Variants in SLITRK2 observed in about 807,000 individuals in gnomAD.
SLITRK2 encodes SLIT and NTRK like family member 2, also known as SLIT and NTRK-like protein 2.
SLITRK2 carries 13 observed loss-of-function variants against 35.4 expected under a neutral mutation model. That is an observed-to-expected ratio of 0.37 (90% CI 0.24 to 0.58). SLITRK2 has a LOEUF of 0.58. Among genes scored for constraint, SLITRK2 ranks in the 20% least tolerant of loss-of-function variants. SLITRK2 has a pLI of 0.75. For missense variants in SLITRK2, 471 were observed against 634.3 expected, an observed-to-expected ratio of 0.74 and a Z score of 2.76; for synonymous variants, 294 against 264.7, an observed-to-expected ratio of 1.11 and a Z score of -1.07.
Position 145,824,079 on chromosome X carries a change from A to G in SLITRK2, c.1654A>G (p.Ile552Val). ...DWTEHANSPV[I>V]INEVTCESPA... ...GACAGAACATGCCAATTCCCCTGTC[A>G]TCATTAATGAGGTGACTTGCGAATC... Residue 552 changes from isoleucine (I) to valine (V), a missense_variant, in exon 5 of 5, where the codon ATC becomes GTC. Around this residue, in one of 7 missense-constraint regions of SLITRK2, gnomAD observed 92 missense variants for 184.2 expected, o/e 0.50. Transcript: ENST00000335565. 8.3e-7 allele frequency: 1 copy of G among 1,211,128 alleles called. No homozygotes were observed. The highest frequency in any genetic ancestry group is 1.8e-5 in the South Asian group (1 of 56,804).
chrX:145,822,180 C>T, intron 4 of SLITRK2, 27 bp downstream of exon 4: 5 of 363,585 alleles, frequency 1.4e-5, no homozygotes, highest in Non-Finnish European at 2.4e-5. Context: ...TCCCGGGGCG[C>T]GTGTGTGGGT....
Position 145,825,137 on chromosome X carries a change from T to C in SLITRK2, c.*174T>C, listed in dbSNP as rs2073103190. 2 of 430,034 alleles carry C rather than the reference T, an allele frequency of 4.7e-6. No homozygotes were observed. The highest frequency in any genetic ancestry group is 1.7e-4 in the South Asian group (2 of 11,878). The allele number at this position is 430,034 out of a possible 1,213,427, so 35.4% of individuals were successfully genotyped here. On this transcript the variant is annotated 3_prime_UTR_variant, in exon 5 of 5. Transcript: ENST00000335565. ...TGATTTTGCTTTTGCAAGTTTTCCT[T>C]TAAATTATTTCTCTCTCGCTCTCCT...
Position 145,824,189 on chromosome X carries a change from C to T in SLITRK2, c.1764C>T (p.Thr588=), listed in dbSNP as rs782667731. The change falls in exon 5 of 5, where the codon ACC becomes ACT. Residue 588 remains threonine (T), a synonymous_variant. Transcript: ENST00000335565. Reference sequence around the variant, plus strand: ...ACAGCCCAAACTTGTCAGATGGAACCGTCTTGTCAATGAATCACAATACAG... The same window carrying T: ...ACAGCCCAAACTTGTCAGATGGAACTGTCTTGTCAATGAATCACAATACAG... ...CPDSPNLSDG[T]VLSMNHNTDT... 11 of 1,207,624 alleles carry T rather than the reference C, an allele frequency of 9.1e-6. No individual in the cohort carries two copies. The highest frequency in any genetic ancestry group is 5.3e-5 in the African/African-American group (3 of 56,923).
At position 145,828,277 on chromosome X, in the gene SLITRK2, T is replaced by C. The variant is rs782506142; in HGVS notation, c.*3314T>C. ...CTGTGACTTAATTTTTCTTAATGTC[T>C]CCAAGTCATCAAGGGCTTAATAATT... On this transcript the variant is annotated 3_prime_UTR_variant, in exon 5 of 5. Coordinates refer to ENST00000335565, the MANE Select transcript of SLITRK2 (RefSeq NM_032539.5). 3 of 280,243 alleles carry C rather than the reference T, an allele frequency of 1.1e-5. No individual in the cohort carries two copies. The South Asian group carries it at 6.2e-4, about 58-fold the overall frequency. 23.1% of individuals were successfully genotyped at this position (280,243 alleles called of 1,213,427 possible). A position where few individuals can be genotyped will look rare whatever the true frequency, so the allele number is the denominator to read the frequency against.
At position 145,821,655 on chromosome X, in the gene SLITRK2, C is replaced by T. The variant is rs1248460844; in HGVS notation, c.-422C>T. The T allele has an allele frequency of 8.9e-6, 1 of 111,744 alleles. No homozygotes were observed. Among genetic ancestry groups the T allele is most frequent in the East Asian group, 2.8e-4 (1 of 3,512 alleles). The allele number at this position is 111,744 out of a possible 1,213,427, so 9.2% of individuals were successfully genotyped here. A position where few individuals can be genotyped will look rare whatever the true frequency, so the allele number is the denominator to read the frequency against. ...CCGACCTCCCTACAGAATCGCACCC[C>T]AGTCCCTCCCTGGCAGCTCGGCTTC... On this transcript the variant is annotated 5_prime_UTR_variant, in exon 3 of 5. Transcript: ENST00000335565.
chrX:145,828,593 C>G lies in SLITRK2; in HGVS notation c.*3630C>G, dbSNP rs1301885088. ...ACACCCTCTTCACCCTCCACGCCAC[C>G]CCCTACTACTCACTCTCACCCTAGC... is the stretch of plus-strand genomic sequence containing the variant. On this transcript the variant is annotated 3_prime_UTR_variant, in exon 5 of 5. Transcript: ENST00000335565. The G allele has an allele frequency of 8.2e-6, 1 of 122,511 alleles. No individual in the cohort carries two copies. Among genetic ancestry groups the G allele is most frequent in the African/African-American group, 3.3e-5 (1 of 30,512 alleles). The allele number at this position is 122,511 out of a possible 1,213,427, so 10.1% of individuals were successfully genotyped here.
At chrX:145,819,958 G>A (rs1329449429) in intron 1 of SLITRK2, 1 of 111,919 alleles carries the variant, frequency 8.9e-6, no homozygotes, top group South Asian at 3.8e-4. Context: ...TAGTGCCTAA[G>A]TTTATAAACT....
chrX:145,827,932 C>A lies in SLITRK2; in HGVS notation c.*2969C>A. ...GCTTTAAGACGTATGAGCATCAGCACAGCAAAATGGTTCCAGCCTACAGAA... is the reference window on the plus strand; with the variant it reads ...GCTTTAAGACGTATGAGCATCAGCAAAGCAAAATGGTTCCAGCCTACAGAA... On this transcript the variant is annotated 3_prime_UTR_variant, in exon 5 of 5. Coordinates refer to ENST00000335565, the MANE Select transcript of SLITRK2 (RefSeq NM_032539.5). The A allele has an allele frequency of 8.3e-7, 1 of 1,211,474 alleles. No homozygotes were observed. The highest frequency in any genetic ancestry group is 1.8e-5 in the South Asian group (1 of 56,839).
In SLITRK2 at chrX:145,826,585, C is replaced by A. The variant is rs1170471468; in HGVS notation, c.*1622C>A. 8.9e-6 allele frequency: 1 copy of A among 112,005 alleles called. No homozygotes were observed. Among genetic ancestry groups the A allele is most frequent in the Non-Finnish European group, 1.9e-5 (1 of 53,093 alleles). 9.2% of individuals were successfully genotyped at this position (112,005 alleles called of 1,213,427 possible). On this transcript the variant is annotated 3_prime_UTR_variant, in exon 5 of 5. Coordinates refer to ENST00000335565, the MANE Select transcript of SLITRK2 (RefSeq NM_032539.5). ...GATTGTGTGATTTAAACAAACAGCC[C>A]TTCTTTACAACAAAAAATAGTTTTG...
At position 145,822,665 on chromosome X, in the gene SLITRK2, C is replaced by A. The variant is rs2073043829; in HGVS notation, c.240C>A (p.Asn80Lys). The A allele has an allele frequency of 2.5e-6, 3 of 1,211,707 alleles. No individual in the cohort carries two copies. The highest frequency in any genetic ancestry group is 3.3e-6 in the Non-Finnish European group (3 of 895,554). ...NGNLLTRLYP[N>K]EFVNYSNAVT... ...ACCTCTTGACAAGACTGTATCCAAA[C>A]GAATTTGTCAATTACTCCAACGCGG... The change falls in exon 5 of 5, where the codon AAC becomes AAA. Residue 80 changes from asparagine to lysine, a missense_variant. Asn to Lys is a moderately conservative substitution (Grantham distance 94, BLOSUM62 0). Transcript: ENST00000335565.
Position 145,824,409 on chromosome X carries a change from G to A in SLITRK2, c.1984G>A (p.Val662Ile), listed in dbSNP as rs2073083231. Reference protein sequence around the residue: ...SVPRNTNNLDVSSFQLQYGSY... With the variant: ...SVPRNTNNLDISSFQLQYGSY... ...TCCCAGGAATACCAACAACTTAGACGTAAGCTCCTTTCAATTACAGTATGG... is the reference window on the plus strand; with the variant it reads ...TCCCAGGAATACCAACAACTTAGACATAAGCTCCTTTCAATTACAGTATGG... The change falls in exon 5 of 5, where the codon GTA becomes ATA. Residue 662 changes from valine (V) to isoleucine (I), a missense_variant. Physicochemically the swap from Val to Ile is conservative, Grantham distance 29. Transcript: ENST00000335565. 1 of 1,210,874 alleles carries A rather than the reference G, an allele frequency of 8.3e-7. No homozygotes were observed. Among genetic ancestry groups the A allele is most frequent in the East Asian group, 3.0e-5 (1 of 33,816 alleles).
At chrX:145,821,978 T>G in intron 3 of SLITRK2, 27 bp from the exon 4 acceptor site, 1 of 114,389 alleles carries the variant, frequency 8.7e-6, no homozygotes, top group Non-Finnish European at 1.8e-5. Context: ...CCACCCCCTT[T>G]TTGCGCTTTT....
rs200557534 is a variant in SLITRK2, at chrX:145,828,019, G to T, written c.*3056G>T. On this transcript the variant is annotated 3_prime_UTR_variant, in exon 5 of 5. Coordinates refer to ENST00000335565, the MANE Select transcript of SLITRK2 (RefSeq NM_032539.5). ...ATGTCTGGCCCTACAAATGACAAAT[G>T]GTAATTCCCTTCTATTTTAGCTCTT... is the stretch of plus-strand genomic sequence containing the variant. 1 of 1,142,890 alleles carries T rather than the reference G, an allele frequency of 8.7e-7. No individual in the cohort carries two copies. The highest frequency in any genetic ancestry group is 1.8e-5 in the African/African-American group (1 of 55,202). The allele number at this position is 1,142,890 out of a possible 1,213,427, so 94.2% of individuals were successfully genotyped here.
chrX:145,824,494 C>A lies in SLITRK2; in HGVS notation c.2069C>A (p.Pro690Gln), dbSNP rs376387668. ...GGCCATGTCTACAACTATATCCCCC[C>A]ACCTGTGGGTCAGATGTGCCAAAAC... Reference protein sequence around the residue: ...TDGHVYNYIPPPVGQMCQNPI... With the variant: ...TDGHVYNYIPQPVGQMCQNPI... The change falls in exon 5 of 5, where the codon CCA (proline) becomes CAA (glutamine). Residue 690 changes from proline (P) to glutamine (Q), a missense_variant. Physicochemically the swap from Pro to Gln is moderately conservative, Grantham distance 76. Around this residue, in one of 7 missense-constraint regions of SLITRK2, gnomAD observed 190 missense variants for 199.3 expected, o/e 0.95. Coordinates refer to ENST00000335565, the MANE Select transcript of SLITRK2 (RefSeq NM_032539.5). The A allele has an allele frequency of 9.9e-6, 12 of 1,209,093 alleles. No individual in the cohort carries two copies. The highest frequency in any genetic ancestry group is 1.8e-5 in the South Asian group (1 of 56,697).
chrX:145,823,853 G>T lies in SLITRK2; in HGVS notation c.1428G>T (p.Leu476=). The T allele has an allele frequency of 8.3e-7, 1 of 1,210,531 alleles. No individual in the cohort carries two copies. Among genetic ancestry groups the T allele is most frequent in the Non-Finnish European group, 1.1e-6 (1 of 895,037 alleles). Residue 476 remains leucine (L), a synonymous_variant, in exon 5 of 5, where the codon CTG becomes CTT. Transcript: ENST00000335565. The stretch of plus-strand genomic sequence containing the variant: ...ATGCTTTGATTAACCTACAGCTACT[G>T]TTTCTGAACAACAACCTTCTTCGGT... ...TFDALINLQL[L]FLNNNLLRSL...
At position 145,822,107 on chromosome X, in the gene SLITRK2, C is replaced by A; in HGVS notation, c.-90C>A. On this transcript the variant is annotated 5_prime_UTR_variant, in exon 4 of 5. Coordinates refer to ENST00000335565, the MANE Select transcript of SLITRK2 (RefSeq NM_032539.5). Reference sequence around the variant, plus strand: ...ATGGGCAGGATTTAGTAGGACAACTCGGTTACTAATGACTTGGCGGCTGGC... The same window carrying A: ...ATGGGCAGGATTTAGTAGGACAACTAGGTTACTAATGACTTGGCGGCTGGC... 3.9e-6 allele frequency: 1 copy of A among 258,192 alleles called. No individual in the cohort carries two copies. The highest frequency in any genetic ancestry group is 1.0e-4 in the South Asian group (1 of 9,837). The allele number at this position is 258,192 out of a possible 1,213,427, so 21.3% of individuals were successfully genotyped here.
Position 145,827,998 on chromosome X carries a change from C to T in SLITRK2, c.*3035C>T, listed in dbSNP as rs2073142161. 8.6e-7 allele frequency: 1 copy of T among 1,166,276 alleles called. No homozygotes were observed. The highest frequency in any genetic ancestry group is 2.7e-5 in the Admixed American group (1 of 36,737). On this transcript the variant is annotated 3_prime_UTR_variant, in exon 5 of 5. Transcript: ENST00000335565. ...CCCTGCCAAGAACATATCTGTATGT[C>T]TGGCCCTACAAATGACAAATGGTAA...
intron 1 of SLITRK2, chrX:145,818,560 G>T (rs1405959652): frequency 8.9e-6 from 1 of 112,857 alleles, no homozygotes; most frequent in Non-Finnish European, 1.9e-5. Context: ...TTTAGAAGAA[G>T]AGGCTGCGGG....
Position 145,828,272 on chromosome X carries a change from A to T in SLITRK2, c.*3309A>T. 3.4e-6 allele frequency: 1 copy of T among 290,244 alleles called. No homozygotes were observed. Among genetic ancestry groups the T allele is most frequent in the Non-Finnish European group, 6.3e-6 (1 of 159,081 alleles). The allele number at this position is 290,244 out of a possible 1,213,427, so 23.9% of individuals were successfully genotyped here. A position where few individuals can be genotyped will look rare whatever the true frequency, so the allele number is the denominator to read the frequency against. On this transcript the variant is annotated 3_prime_UTR_variant, in exon 5 of 5. Transcript: ENST00000335565. Reference sequence around the variant, plus strand: ...GACCTCTGTGACTTAATTTTTCTTAATGTCTCCAAGTCATCAAGGGCTTAA... The same window carrying T: ...GACCTCTGTGACTTAATTTTTCTTATTGTCTCCAAGTCATCAAGGGCTTAA...
Sources: gnomAD v4.1 joint callset for allele counts on GRCh38, gnomAD v4.1.1 for gene constraint, gnomAD v4.1.1 regional missense constraint, MANE v1.5 for transcripts, NCBI Gene and HGNC (gene_info 2026-07-23, HGNC 2026-07-21) for gene names.